NRXN3: variants seen among roughly 807,000 people sequenced by gnomAD.
NRXN3 encodes neurexin 3, also known as neurexin III.
A neutral mutation model predicts 137.6 loss-of-function variants in NRXN3; 32 were observed. The ratio of observed to expected loss-of-function variants is 0.23; its 90% confidence interval spans 0.18 to 0.31. NRXN3 has a LOEUF of 0.31. Among genes scored for constraint, NRXN3 ranks in the 10% least tolerant of loss-of-function variants. The pLI, the probability that NRXN3 is intolerant of heterozygous loss-of-function variation, is 1.00. For missense variants in NRXN3, 1,574 were observed against 2,062.5 expected (o/e 0.76, Z 4.59); for synonymous variants, 798 against 784.5 (o/e 1.02, Z -0.29).
intron 4 of NRXN3, among the ~76,000 whole-genome samples, chr14:78,576,213 C>A (rs892294290): frequency 9.2e-5 from 14 of 152,182 alleles, no homozygotes; most frequent in African/African-American, 3.4e-4. Flanking sequence ...CCTGATCAGA[C>A]CTTTTCTCTT....
chr14:79,156,558 T>G (rs2060272374), intron 15 of NRXN3, among the ~76,000 whole-genome samples: 1 of 151,524 alleles, frequency 6.6e-6, no homozygotes, highest in Non-Finnish European at 1.5e-5. Context: ...CTGGATTTTT[T>G]TTTCATTTTA....
chr14:79,632,388 A>G (rs2098362725), intron 16 of NRXN3: 1 of 152,512 alleles, frequency 6.6e-6, no homozygotes, highest in Non-Finnish European at 1.5e-5. Context: ...AGACAACATC[A>G]CACCTGAAAT....
chr14:79,330,248 T>A (rs2091488196), intron 15 of NRXN3, among the ~76,000 whole-genome samples: 2 of 152,072 alleles, frequency 1.3e-5, no homozygotes, highest in Non-Finnish European at 2.9e-5. Context: ...AGGTATGAGA[T>A]GATAACAACT....
chr14:79,798,479 T>G (rs994197868), intron 19 of NRXN3, among the ~76,000 whole-genome samples: 1 of 152,226 alleles, frequency 6.6e-6, no homozygotes, highest in Non-Finnish European at 1.5e-5. Context: ...GATGTATGGC[T>G]GTTTTCTGTG....
At chr14:79,488,908 T>G (rs958420429) in intron 16 of NRXN3, among the ~76,000 whole-genome samples, 8 of 152,126 alleles carry the variant, frequency 5.3e-5, no homozygotes, top group African/African-American at 1.9e-4. Context: ...CAGAACAACT[T>G]GGGTTTCAAC....
intron 4 of NRXN3, among the ~76,000 whole-genome samples, chr14:78,355,177 G>T (rs556350846): frequency 1.3e-5 from 2 of 152,022 alleles, no homozygotes; most frequent in Non-Finnish European, 2.9e-5. Context: ...ATATTTTCAC[G>T]TTAAATCCAC....
chr14:79,682,951 A>AGACT (rs1555627537), intron 17 of NRXN3, among the ~76,000 whole-genome samples: 1 of 152,172 alleles, frequency 6.6e-6, no homozygotes, highest in Non-Finnish European at 1.5e-5. Context: ...AATTTCCTTC[A>AGACT]GACTATGATG....
Position 78,329,888 on chromosome 14 carries a change from A to G in NRXN3, c.757+32028A>G, listed in dbSNP as rs74064035. Among the ~76,000 whole-genome samples, 1,356 of 152,320 alleles carry G rather than the reference A, an allele frequency of 8.9e-3. 18 individuals carry two copies. The highest frequency in any genetic ancestry group is 0.029 in the African/African-American group (1,206 of 41,576). ...GAGGGTTGTTGAGAATTAGACTTAC[A>G]GAGGCTTCACAAGAAGGAACACTGA... On this transcript the variant is annotated intron_variant, in intron 4 of 20. Transcript: ENST00000335750.
At chr14:79,493,368 A>G (rs1310652829) in intron 16 of NRXN3, among the ~76,000 whole-genome samples, 4 of 152,362 alleles carry the variant, frequency 2.6e-5, no homozygotes, top group East Asian at 1.9e-4. Context: ...GAATCCATTT[A>G]GAGATTTACA....
At chr14:78,367,979 A>T (rs2086229395) in intron 4 of NRXN3, among the ~76,000 whole-genome samples, 1 of 152,214 alleles carries the variant, frequency 6.6e-6, no homozygotes, top group Non-Finnish European at 1.5e-5. Context: ...AGGCCTGGTA[A>T]TTGCTTATTG....
At chr14:79,391,723 A>G (rs1423516140) in intron 15 of NRXN3, among the ~76,000 whole-genome samples, 1 of 152,232 alleles carries the variant, frequency 6.6e-6, no homozygotes, top group African/African-American at 2.4e-5. Flanking sequence ...AATTACACAG[A>G]TTCATATCTT....
At chr14:79,816,465 T>C (rs930743569) in intron 20 of NRXN3, among the ~76,000 whole-genome samples, 1 of 152,220 alleles carries the variant, frequency 6.6e-6, no homozygotes, top group Admixed American at 6.5e-5. Context: ...GAACTCCTGA[T>C]TACTCTGTTT....
chr14:78,697,342 T>G (rs987618835), intron 6 of NRXN3, among the ~76,000 whole-genome samples: 1 of 151,978 alleles, frequency 6.6e-6, no homozygotes, highest in Admixed American at 6.6e-5. Flanking sequence ...ATTCATCAGT[T>G]TCCTATTCTC....
At position 78,694,497 on chromosome 14, in the gene NRXN3, G is replaced by T. The variant is rs147352748; in HGVS notation, c.1222-14720G>T. Among the ~76,000 whole-genome samples, 214 of 151,982 alleles carry T rather than the reference G, an allele frequency of 1.4e-3. 3 individuals are homozygous for T. Among genetic ancestry groups the T allele is most frequent in the African/African-American group, 5.0e-3 (209 of 41,428 alleles). On this transcript the variant is annotated intron_variant, in intron 6 of 20. Coordinates refer to ENST00000335750, the MANE Select transcript of NRXN3 (RefSeq NM_001330195.2). ...ATCATTCTAAGTTTTTCAGCAAAAA[G>T]ATTGTGTCATAAGAATTAGATAGCC...
chr14:78,933,295 G>A (rs544528988), intron 10 of NRXN3, among the ~76,000 whole-genome samples: 13 of 152,182 alleles, frequency 8.5e-5, no homozygotes, highest in Non-Finnish European at 1.9e-4. Context: ...CTTCCCTTAT[G>A]GTTATTGTTT....
chr14:79,673,192 T>A (rs1384846796), intron 17 of NRXN3, among the ~76,000 whole-genome samples: 1 of 152,070 alleles, frequency 6.6e-6, no homozygotes, highest in Non-Finnish European at 1.5e-5. Context: ...AGCGGCACTT[T>A]GAGTCTTCAG....
At chr14:79,098,373 C>T (rs2050709857) in intron 15 of NRXN3, among the ~76,000 whole-genome samples, 1 of 152,128 alleles carries the variant, frequency 6.6e-6, no homozygotes, top group Non-Finnish European at 1.5e-5. Flanking sequence ...TGTTTGCAGC[C>T]TCATTGCATT....
intron 16 of NRXN3, among the ~76,000 whole-genome samples, chr14:79,552,590 G>T (rs190689777): frequency 6.6e-5 from 10 of 152,244 alleles, no homozygotes; most frequent in Non-Finnish European, 7.4e-5. Flanking sequence ...AGGCCAGATA[G>T]TTGAAGGTTA....
rs867211414 is a variant in NRXN3, at chr14:78,403,692, A to G, written c.757+105832A>G. The G allele has an allele frequency of 1.6e-5, 16 of 985,110 alleles. No individual in the cohort carries two copies. The Middle Eastern group carries it at 2.1e-3, about 129-fold the overall frequency. 61.0% of individuals were successfully genotyped at this position (985,110 alleles called of 1,614,324 possible). A position where few individuals can be genotyped will look rare whatever the true frequency, so the allele number is the denominator to read the frequency against. On this transcript the variant is annotated intron_variant, in intron 4 of 20. Coordinates refer to ENST00000335750, the MANE Select transcript of NRXN3 (RefSeq NM_001330195.2). Reference sequence around the variant, plus strand: ...ACACCGAGGGCGGTGTTAGGAAGGCAGCTTCCTGCACACTGTTGTAGGTGT... The same window carrying G: ...ACACCGAGGGCGGTGTTAGGAAGGCGGCTTCCTGCACACTGTTGTAGGTGT...
Sources: gnomAD v4.1 joint callset for allele counts (sites outside exome capture counted in the v4.1 genomes callset) on GRCh38, gnomAD v4.1.1 for gene constraint, MANE v1.5 for transcripts, NCBI Gene and HGNC (gene_info 2026-07-23, HGNC 2026-07-21) for gene names.